The following CRY1 variants were observed in gnomAD, a reference collection of about 807,000 sequenced individuals.
CRY1 encodes the protein cryptochrome-1.
A neutral mutation model predicts 76.0 loss-of-function variants in CRY1; 45 were observed. The ratio of observed to expected loss-of-function variants is 0.59; its 90% confidence interval spans 0.47 to 0.76. The LOEUF is 0.76. Among genes scored for constraint, CRY1 ranks in the 30% least tolerant of loss-of-function variants. The pLI, the probability that CRY1 is intolerant of heterozygous loss-of-function variation, is 0.00. For missense variants in CRY1, 587 were observed against 716.4 expected (o/e 0.82, Z 2.06); for synonymous variants, 248 against 244.0 (o/e 1.02, Z -0.15).
chr12:107,041,152 T>C (rs902903671), intron 1 of CRY1, among the ~76,000 whole-genome samples: 3 of 152,148 alleles, frequency 2.0e-5, no homozygotes, highest in East Asian at 1.9e-4. Context: ...GAACCGCCTA[T>C]TGAGGTACAT....
chr12:106,992,713 ATTTTTGAAATTATCT>A (rs1482871556), intron 12 of CRY1, 59 bp downstream of exon 12: 20 of 1,272,416 alleles, frequency 1.6e-5, no homozygotes, highest in Non-Finnish European at 2.0e-5. Context: ...GATTTGCTCC[ATTTTTGAAATTATCT>A]TAATTTATGT....
At chr12:106,998,099 C>T (rs1173621661) in intron 7 of CRY1, 33 bp from the exon 8 acceptor site, 1 of 1,610,780 alleles carries the variant, frequency 6.2e-7, no homozygotes, top group Non-Finnish European at 8.5e-7. Flanking sequence ...TTAGTTTGCA[C>T]ACACATAATT....
At chr12:107,033,724 TC>T (rs1952703799) in intron 1 of CRY1, among the ~76,000 whole-genome samples, 1 of 151,728 alleles carries the variant, frequency 6.6e-6, no homozygotes, top group Non-Finnish European at 1.5e-5. Flanking sequence ...GTAGGTAACA[TC>T]CCTAATCTGA....
intron 1 of CRY1, among the ~76,000 whole-genome samples, chr12:107,084,593 T>C (rs908035422): frequency 6.6e-6 from 1 of 152,148 alleles, no homozygotes; most frequent in African/African-American, 2.4e-5. Flanking sequence ...ATTTAATAAA[T>C]GGTGCTGGGA....
Position 106,991,715 on chromosome 12 carries a change from T to C in CRY1, c.*287A>G, listed in dbSNP as rs80163423. 1 of 152,624 alleles carries C rather than the reference T, an allele frequency of 6.6e-6. No homozygotes were observed. The highest frequency in any genetic ancestry group is 1.5e-5 in the Non-Finnish European group (1 of 68,004). 9.5% of individuals were successfully genotyped at this position (152,624 alleles called of 1,614,324 possible). A position where few individuals can be genotyped will look rare whatever the true frequency, so the allele number is the denominator to read the frequency against. On this transcript the variant is annotated 3_prime_UTR_variant, in exon 13 of 13. Coordinates refer to ENST00000008527, the MANE Select transcript of CRY1 (RefSeq NM_004075.5). ...GAATATCAATTTGTCATTTTAACTTTACCATACATGAAAAATTATCAAAAA... is the reference window on the plus strand; with the variant it reads ...GAATATCAATTTGTCATTTTAACTTCACCATACATGAAAAATTATCAAAAA...
chr12:107,026,906 C>T (rs1952623126), intron 1 of CRY1, among the ~76,000 whole-genome samples: 1 of 151,812 alleles, frequency 6.6e-6, no homozygotes, highest in South Asian at 2.1e-4. Flanking sequence ...ACAACTTCAT[C>T]TGAATGTGAC....
At chr12:107,077,567 C>T (rs1565845526) in intron 1 of CRY1, among the ~76,000 whole-genome samples, 1 of 152,108 alleles carries the variant, frequency 6.6e-6, no homozygotes, top group Non-Finnish European at 1.5e-5. Flanking sequence ...CATATTCAGG[C>T]CTCACCTTAT....
intron 1 of CRY1, among the ~76,000 whole-genome samples, chr12:107,029,606 CA>C (rs35485801): frequency 0.49 from 55,526 of 112,192 alleles, 12,135 homozygotes; most frequent in East Asian, 0.68. Context: ...GGTCTTGCCT[CA>C]AAAAAAAAAA....
At chr12:107,066,636 T>C (rs1013265950) in intron 1 of CRY1, among the ~76,000 whole-genome samples, 1 of 152,080 alleles carries the variant, frequency 6.6e-6, no homozygotes, top group Non-Finnish European at 1.5e-5. Flanking sequence ...TGGCTAATTT[T>C]TGTATTTTTT....
intron 1 of CRY1, among the ~76,000 whole-genome samples, chr12:107,031,467 G>C (rs932649027): frequency 1.3e-5 from 2 of 150,142 alleles, no homozygotes; most frequent in Middle Eastern, 3.4e-3. Context: ...TCTGTCTCTA[G>C]CCAGTTTGGG....
chr12:107,040,287 G>GTTTT (rs58899017), intron 1 of CRY1, among the ~76,000 whole-genome samples: 1 of 117,682 alleles, frequency 8.5e-6, no homozygotes, highest in Admixed American at 8.8e-5. Flanking sequence ...TTTTTTTTTA[G>GTTTT]TTTTTTTTTT....
chr12:106,993,365 G>A (rs1952199971), intron 10 of CRY1, among the ~76,000 whole-genome samples: 1 of 151,576 alleles, frequency 6.6e-6, no homozygotes, highest in Admixed American at 6.6e-5. Context: ...CCTCACTCTT[G>A]TCCCTTTTCC....
chr12:107,006,779 G>A (rs1566244448), intron 2 of CRY1, among the ~76,000 whole-genome samples: 1 of 151,510 alleles, frequency 6.6e-6, no homozygotes, highest in East Asian at 2.0e-4. Context: ...AGCCTCCCGA[G>A]TAGCTGGGAT....
chr12:106,999,886 AT>A, intron 6 of CRY1, 24 bp from the exon 7 acceptor site: 1 of 1,591,564 alleles, frequency 6.3e-7, no homozygotes, highest in Non-Finnish European at 8.5e-7. Context: ...GCAAAGAAGT[AT>A]TATCAGAATT....
At chr12:107,054,761 C>A (rs1032252808) in intron 1 of CRY1, among the ~76,000 whole-genome samples, 5 of 151,458 alleles carry the variant, frequency 3.3e-5, no homozygotes, top group African/African-American at 1.2e-4. Flanking sequence ...ACTATAAAGT[C>A]ACGTTCATAA....
chr12:107,020,703 T>A (rs1952546697), intron 2 of CRY1, among the ~76,000 whole-genome samples: 1 of 152,160 alleles, frequency 6.6e-6, no homozygotes, highest in African/African-American at 2.4e-5. Context: ...CCTGCAGAAC[T>A]GTGAGCCAAT....
chr12:107,052,769 T>C (rs1952937967), intron 1 of CRY1, among the ~76,000 whole-genome samples: 1 of 152,170 alleles, frequency 6.6e-6, no homozygotes, highest in Admixed American at 6.5e-5. Context: ...TTAAAAAGAA[T>C]ACTCAAAAAA....
chr12:107,001,274 T>C lies in CRY1; in HGVS notation c.684+6A>G. 2 of 1,605,998 alleles carry C rather than the reference T, an allele frequency of 1.2e-6. No homozygotes were observed. The highest frequency in any genetic ancestry group is 1.7e-6 in the Non-Finnish European group (2 of 1,173,452). ...AAGCATAGCTATATAATCTACATTA[T>C]CATACTTTTCTTTCCAAATGCCTTT... On this transcript the variant is annotated splice_donor_region_variant and intron_variant, in intron 5 of 12. Coordinates refer to ENST00000008527, the MANE Select transcript of CRY1 (RefSeq NM_004075.5).
intron 1 of CRY1, among the ~76,000 whole-genome samples, chr12:107,045,758 A>G (rs1952841691): frequency 6.6e-6 from 1 of 151,944 alleles, no homozygotes; most frequent in African/African-American, 2.4e-5. Context: ...GAACTGAACA[A>G]TGAGAACACT....
Sources: allele counts gnomAD v4.1 joint callset (sites outside exome capture counted in the v4.1 genomes callset), GRCh38; gene constraint gnomAD v4.1.1; transcripts MANE v1.5; gene names NCBI Gene and HGNC (gene_info 2026-07-23, HGNC 2026-07-21).